EPB41L3: variants seen among roughly 807,000 people sequenced by gnomAD.
The protein encoded by EPB41L3 is band 4.1-like protein 3.
Under a neutral mutation model 127.1 loss-of-function variants are expected in EPB41L3, and 57 were observed. The observed-to-expected ratio is 0.45, with a 90% CI of 0.36 to 0.56. EPB41L3 has a LOEUF of 0.56. Ranked by LOEUF, EPB41L3 falls within the 20% of genes least tolerant of loss-of-function variation. The pLI is 0.00. For synonymous variants in EPB41L3, 572 were observed against 549.5 expected (o/e 1.04, Z -0.57); for missense variants, 1,273 against 1,372.2 (o/e 0.93, Z 1.14).
chr18:5,604,696 T>G (rs1267539429), intron 3 of EPB41L3, among the ~76,000 whole-genome samples: 10 of 152,130 alleles, frequency 6.6e-5, no homozygotes, highest in African/African-American at 2.4e-4. Context: ...TCAAGTGATC[T>G]GCCCACCTTG....
intron 20 of EPB41L3, among the ~76,000 whole-genome samples, 153 bp from the exon 21 acceptor site, chr18:5,395,300 G>C (rs2073188127): frequency 6.6e-6 from 1 of 152,196 alleles, no homozygotes; most frequent in African/African-American, 2.4e-5. Context: ...TTTAATTCCA[G>C]AGGTGAGGAC....
At chr18:5,463,391 T>C (rs2084381302) in intron 3 of EPB41L3, among the ~76,000 whole-genome samples, 1 of 152,182 alleles carries the variant, frequency 6.6e-6, no homozygotes, top group Non-Finnish European at 1.5e-5. Flanking sequence ...GTGAATAAAG[T>C]AGATCCTACT....
chr18:5,543,885 C>T lies in EPB41L3; in HGVS notation c.-12+28G>A, dbSNP rs990607598. ...CGTAAAGCCGAGACCCCCTCGCAGTCCCCCACTCCGAGAGGCGGAAAAGTT... is the reference window on the plus strand; with the variant it reads ...CGTAAAGCCGAGACCCCCTCGCAGTTCCCCACTCCGAGAGGCGGAAAAGTT... On this transcript the variant is annotated intron_variant, in intron 1 of 22. Transcript: ENST00000341928. The surrounding 1 kb of genome is among the most constrained non-coding windows in gnomAD (Gnocchi z 5.2). 4 of 985,556 alleles carry T rather than the reference C, an allele frequency of 4.1e-6. No homozygotes were observed. Among genetic ancestry groups the T allele is most frequent in the East Asian group, 1.1e-4 (1 of 8,768 alleles). 61.1% of individuals were successfully genotyped at this position (985,556 alleles called of 1,614,324 possible).
chr18:5,543,972 C>T lies in EPB41L3; in HGVS notation c.-71G>A. The stretch of plus-strand genomic sequence containing the variant: ...GTGGGGACTAGGCTCGGGCGCGCGT[C>T]CTCGGCGGCGGTGCGCAGGAGACTC... On this transcript the variant is annotated 5_prime_UTR_variant, in exon 1 of 23. Transcript: ENST00000341928. This position sits in a 1 kb window ranked among gnomAD's most constrained non-coding sequence, Gnocchi z 5.2. 6.1e-6 allele frequency: 6 copies of T among 985,650 alleles called. No individual in the cohort carries two copies. The highest frequency in any genetic ancestry group is 7.2e-6 in the Non-Finnish European group (6 of 830,110). The allele number at this position is 985,650 out of a possible 1,614,324, so 61.1% of individuals were successfully genotyped here. A position where few individuals can be genotyped will look rare whatever the true frequency, so the allele number is the denominator to read the frequency against.
intron 3 of EPB41L3, among the ~76,000 whole-genome samples, chr18:5,450,837 T>A (rs1488092529): frequency 6.6e-6 from 1 of 151,702 alleles, no homozygotes; most frequent in Non-Finnish European, 1.5e-5. Context: ...GTGTAGATTC[T>A]CCTGTTTGCA....
chr18:5,395,743 G>GT (rs747760001), intron 19 of EPB41L3, 36 bp from the exon 20 acceptor site: 1 of 1,505,610 alleles, frequency 6.6e-7, no homozygotes, highest in Non-Finnish European at 9.2e-7. Context: ...TCATCCAGGT[G>GT]CTCACATCTG....
chr18:5,524,733 T>C (rs113613149), intron 1 of EPB41L3, among the ~76,000 whole-genome samples: 60 of 152,324 alleles, frequency 3.9e-4, no homozygotes, highest in Non-Finnish European at 7.5e-4. Flanking sequence ...AGGGCCACCT[T>C]TTCTCCATCC....
At chr18:5,467,578 A>G (rs1001377341) in intron 3 of EPB41L3, 1 of 152,224 alleles carries the variant, frequency 6.6e-6, no homozygotes, top group African/African-American at 2.4e-5. Context: ...GAGAAAGTGA[A>G]TAGTAGGTAA....
chr18:5,565,502 C>T (rs1345328243), intron 3 of EPB41L3, among the ~76,000 whole-genome samples: 1 of 151,050 alleles, frequency 6.6e-6, no homozygotes, highest in African/African-American at 2.4e-5. Flanking sequence ...ATGTGCACAA[C>T]GTGCAGGTTA....
intron 3 of EPB41L3, among the ~76,000 whole-genome samples, chr18:5,563,940 G>A (rs2094165572): frequency 6.6e-6 from 1 of 152,130 alleles, no homozygotes; most frequent in South Asian, 2.1e-4. Flanking sequence ...TGGTGAAAAA[G>A]AACAACTTGG....
Position 5,500,249 on chromosome 18 carries a change from G to A in EPB41L3, c.-11-11055C>T, listed in dbSNP as rs188652611. On this transcript the variant is annotated intron_variant, in intron 1 of 22. Transcript: ENST00000341928. Reference sequence around the variant, plus strand: ...GTAGCATATTTTATCTATATTCTTCGCCAATTCTATTCAGAGAAGAACTTA... The same window carrying A: ...GTAGCATATTTTATCTATATTCTTCACCAATTCTATTCAGAGAAGAACTTA... 9.7e-4 allele frequency among the ~76,000 whole-genome samples: 148 copies of A among 152,120 alleles called. 3 individuals carry two copies. In the South Asian group the frequency reaches 0.011, roughly 12 times the overall value.
At chr18:5,445,860 T>A (rs369949233) in intron 3 of EPB41L3, among the ~76,000 whole-genome samples, 1 of 152,142 alleles carries the variant, frequency 6.6e-6, no homozygotes, top group South Asian at 2.1e-4. Context: ...AGGATCTAGG[T>A]TGCGCGCTCC....
intron 6 of EPB41L3, among the ~76,000 whole-genome samples, chr18:5,436,399 C>CTTT (rs2079802385): frequency 7.7e-6 from 1 of 130,456 alleles, no homozygotes; most frequent in South Asian, 2.5e-4. Context: ...ACTACATTTT[C>CTTT]TTTCTTTTTT....
chr18:5,611,557 C>A (rs1158389683), intron 3 of EPB41L3, among the ~76,000 whole-genome samples: 1 of 152,222 alleles, frequency 6.6e-6, no homozygotes, highest in Non-Finnish European at 1.5e-5. Flanking sequence ...ACAACATACA[C>A]TAATGAGGCC....
intron 1 of EPB41L3, among the ~76,000 whole-genome samples, chr18:5,512,280 T>C (rs752092660): frequency 1.7e-4 from 26 of 152,154 alleles, no homozygotes; most frequent in African/African-American, 4.3e-4. Context: ...CTACAGGACA[T>C]AGAGAACTGG....
intron 3 of EPB41L3, among the ~76,000 whole-genome samples, chr18:5,577,142 T>C (rs1291219731): frequency 1.3e-5 from 2 of 152,188 alleles, no homozygotes; most frequent in Non-Finnish European, 2.9e-5. Context: ...TAGAGAACAA[T>C]TAGCGTAGCA....
intron 2 of EPB41L3, among the ~76,000 whole-genome samples, chr18:5,486,543 A>C (rs528781340): frequency 6.6e-6 from 1 of 152,218 alleles, no homozygotes; most frequent in East Asian, 1.9e-4. Flanking sequence ...ATTAACAAAG[A>C]GCCTACAGGA....
intron 1 of EPB41L3, among the ~76,000 whole-genome samples, chr18:5,628,682 G>C (rs1194581102): frequency 1.3e-5 from 2 of 152,212 alleles, no homozygotes; most frequent in Non-Finnish European, 2.9e-5. Flanking sequence ...TCTGCAGAGG[G>C]AAAGCGAAAG....
At chr18:5,568,898 G>T (rs1238074334) in intron 3 of EPB41L3, among the ~76,000 whole-genome samples, 2 of 152,170 alleles carry the variant, frequency 1.3e-5, no homozygotes, top group Admixed American at 6.5e-5. Flanking sequence ...AGCTCAAGCT[G>T]AATAATTAGG....
Sources: gnomAD v4.1 joint callset for allele counts (sites outside exome capture counted in the v4.1 genomes callset) on GRCh38, gnomAD v4.1.1 for gene constraint, Gnocchi (gnomAD v3.1) non-coding constraint, MANE v1.5 for transcripts, NCBI Gene and HGNC (gene_info 2026-07-23, HGNC 2026-07-21) for gene names.